CHST9: variants seen among roughly 807,000 people sequenced by gnomAD.
CHST9 encodes GalNAc-4-sulfotransferase 2.
A neutral mutation model predicts 44.4 loss-of-function variants in CHST9; 41 were observed. The observed-to-expected ratio is 0.92, with a 90% CI of 0.72 to 1.20. CHST9 has a LOEUF of 1.20. Ranked by LOEUF, CHST9 falls within the 50% of genes most tolerant of loss-of-function variation. The pLI, the probability that CHST9 is intolerant of heterozygous loss-of-function variation, is 0.00. For synonymous variants in CHST9, 171 were observed against 178.4 expected (o/e 0.96, Z 0.33); for missense variants, 504 against 516.5 (o/e 0.98, Z 0.23).
chr18:27,090,980 A>G (rs536879027), intron 2 of CHST9, among the ~76,000 whole-genome samples: 55 of 152,276 alleles, frequency 3.6e-4, no homozygotes, highest in Admixed American at 5.2e-4. Context: ...CAAATCTGTG[A>G]AGAAAGTCAT....
intron 2 of CHST9, among the ~76,000 whole-genome samples, chr18:27,091,599 T>C (rs150079677): frequency 0.068 from 10,316 of 152,254 alleles, 443 homozygotes; most frequent in East Asian, 0.14. Context: ...AGATAGCTCT[T>C]ATTATTTTGA....
Position 26,917,222 on chromosome 18 carries a change from C to T in CHST9, c.369G>A (p.Lys123=). The T allele has an allele frequency of 6.2e-7, 1 of 1,613,880 alleles. No homozygotes were observed. The highest frequency in any genetic ancestry group is 1.3e-5 in the African/African-American group (1 of 75,020). The change falls in exon 6 of 6, where the codon AAG becomes AAA. Residue 123 remains lysine, a synonymous_variant. Coordinates refer to ENST00000618847, the MANE Select transcript of CHST9 (RefSeq NM_031422.6). ...HSQGGDQALS[K]STGSPTEKLI... ...ACTTCTCTGTTGGTGACCCTGTGGA[C>T]TTACTTAAAGCTTGATCCCCTCCTT...
intron 2 of CHST9, among the ~76,000 whole-genome samples, chr18:27,100,054 C>T (rs981266443): frequency 2.6e-5 from 4 of 151,736 alleles, no homozygotes; most frequent in African/African-American, 7.3e-5. Context: ...CATATATATA[C>T]ACATATGGAG....
At chr18:27,012,757 T>C (rs952779870) in intron 4 of CHST9, among the ~76,000 whole-genome samples, 1 of 152,232 alleles carries the variant, frequency 6.6e-6, no homozygotes, top group African/African-American at 2.4e-5. Flanking sequence ...CCAGGTGATA[T>C]ATTTCCAAGT....
At chr18:26,991,590 G>A (rs372200121) in intron 4 of CHST9, among the ~76,000 whole-genome samples, 119 of 152,222 alleles carry the variant, frequency 7.8e-4, no homozygotes, top group Middle Eastern at 3.4e-3. Flanking sequence ...GAAGGGAAGA[G>A]GACAAAACAG....
At chr18:26,936,854 C>T (rs1272493949) in intron 5 of CHST9, among the ~76,000 whole-genome samples, 2 of 152,090 alleles carry the variant, frequency 1.3e-5, no homozygotes, top group Non-Finnish European at 2.9e-5. Flanking sequence ...GTGGTTAATG[C>T]TAATTTACAT....
intron 4 of CHST9, among the ~76,000 whole-genome samples, chr18:27,003,282 G>A (rs961707650): frequency 6.6e-6 from 1 of 151,928 alleles, no homozygotes; most frequent in South Asian, 2.1e-4. Flanking sequence ...ACCACATGGC[G>A]AGTCAGGGGA....
At chr18:27,173,287 A>C (rs1290778778) in intron 1 of CHST9, among the ~76,000 whole-genome samples, 5 of 151,984 alleles carry the variant, frequency 3.3e-5, no homozygotes, top group Non-Finnish European at 7.4e-5. Flanking sequence ...AGTCTTCCTG[A>C]AGTTGCAGAG....
intron 2 of CHST9, among the ~76,000 whole-genome samples, chr18:27,077,902 G>T (rs146570703): frequency 6.0e-4 from 91 of 152,206 alleles, no homozygotes; most frequent in African/African-American, 2.1e-3. Context: ...GGAGGCCTCA[G>T]GAAACTTACA....
At chr18:27,120,488 A>T (rs2058365414) in intron 2 of CHST9, among the ~76,000 whole-genome samples, 1 of 152,134 alleles carries the variant, frequency 6.6e-6, no homozygotes, top group African/African-American at 2.4e-5. Context: ...TCATCAGAAT[A>T]ACTTTGGCCA....
At chr18:27,025,600 T>G (rs1392801027) in intron 3 of CHST9, among the ~76,000 whole-genome samples, 1 of 152,200 alleles carries the variant, frequency 6.6e-6, no homozygotes, top group East Asian at 1.9e-4. Flanking sequence ...TGTAAGGTAC[T>G]GGCCATTCTA....
chr18:26,992,260 C>A (rs2056825813), intron 4 of CHST9, among the ~76,000 whole-genome samples: 1 of 117,238 alleles, frequency 8.5e-6, no homozygotes, highest in Admixed American at 9.7e-5. Context: ...CAAATCACAC[C>A]ACATCTATGC....
At chr18:26,985,730 G>T (rs1218675209) in intron 4 of CHST9, among the ~76,000 whole-genome samples, 1 of 152,180 alleles carries the variant, frequency 6.6e-6, no homozygotes, top group Non-Finnish European at 1.5e-5. Context: ...CCCAAGGCAG[G>T]GAAAGAACCT....
intron 2 of CHST9, among the ~76,000 whole-genome samples, chr18:27,127,368 T>A (rs1248163209): frequency 6.6e-6 from 1 of 152,140 alleles, no homozygotes; most frequent in Non-Finnish European, 1.5e-5. Context: ...CAAGGGAAAG[T>A]GGCATGAAGT....
chr18:27,062,021 T>C (rs939411381), intron 2 of CHST9, among the ~76,000 whole-genome samples: 3 of 152,170 alleles, frequency 2.0e-5, no homozygotes, highest in Non-Finnish European at 4.4e-5. Context: ...CTTCAGCTCC[T>C]GCGTTAAGTC....
chr18:26,979,071 G>A (rs2145187667), intron 4 of CHST9, among the ~76,000 whole-genome samples: 1 of 152,014 alleles, frequency 6.6e-6, no homozygotes, highest in African/African-American at 2.4e-5. Flanking sequence ...GCACAGAAGG[G>A]TCTTTTATCC....
chr18:27,074,719 T>C (rs1369689941), intron 2 of CHST9, among the ~76,000 whole-genome samples: 6 of 151,648 alleles, frequency 4.0e-5, no homozygotes, highest in Admixed American at 3.3e-4. Context: ...TAACAAAGCT[T>C]ATACTTTATT....
intron 1 of CHST9, among the ~76,000 whole-genome samples, chr18:27,166,045 C>G (rs1307654344): frequency 2.0e-5 from 3 of 152,132 alleles, no homozygotes; most frequent in African/African-American, 7.2e-5. Flanking sequence ...GTAATCATTG[C>G]TTTTTCAACC....
At position 27,103,636 on chromosome 18, in the gene CHST9, T is replaced by C. The variant is rs2058194403; in HGVS notation, c.121+39053A>G. Among the ~76,000 whole-genome samples the C allele has an allele frequency of 2.0e-5, 3 of 152,338 alleles. No individual in the cohort carries two copies. In the South Asian group the frequency reaches 6.2e-4, roughly 32 times the overall value. On this transcript the variant is annotated intron_variant, in intron 2 of 5. Coordinates refer to ENST00000618847, the MANE Select transcript of CHST9 (RefSeq NM_031422.6). ...AAAACCAGGTTATCCTCTGATATCA[T>C]TTACAATCAATAAGGATTATTGAAA...
Sources: gnomAD v4.1 joint callset for allele counts (sites outside exome capture counted in the v4.1 genomes callset) on GRCh38, gnomAD v4.1.1 for gene constraint, MANE v1.5 for transcripts, NCBI Gene and HGNC (gene_info 2026-07-23, HGNC 2026-07-21) for gene names.